Variants in KAZN observed in about 807,000 individuals in gnomAD.
KAZN encodes kazrin.
A neutral mutation model predicts 87.4 loss-of-function variants in KAZN; 40 were observed. The ratio of observed to expected loss-of-function variants is 0.46; its 90% CI spans 0.36 to 0.60. KAZN has a LOEUF of 0.60. Ranked by LOEUF, KAZN falls within the 20% of genes least tolerant of loss-of-function variation. KAZN has a pLI of 0.00. For missense variants in KAZN, 898 were observed against 1,073.9 expected, an observed-to-expected ratio of 0.84 and a Z score of 2.29; for synonymous variants, 466 against 458.3, an observed-to-expected ratio of 1.02 and a Z score of -0.22.
intron 1 of KAZN, among the ~76,000 whole-genome samples, chr1:14,844,206 G>A (rs997864707): frequency 6.6e-6 from 1 of 152,116 alleles, no homozygotes; most frequent in African/African-American, 2.4e-5. Context: ...GATGAGCCCA[G>A]CCTTAGGAAA....
intron 1 of KAZN, among the ~76,000 whole-genome samples, chr1:14,862,722 G>A (rs1003809168): frequency 4.6e-5 from 7 of 152,134 alleles, no homozygotes; most frequent in Non-Finnish European, 7.3e-5. Flanking sequence ...GAGCTGTCCC[G>A]TGCTATGTGC....
At chr1:14,483,437 A>G (rs1192902882) in intron 2 of KAZN, among the ~76,000 whole-genome samples, 1 of 152,212 alleles carries the variant, frequency 6.6e-6, no homozygotes, top group Non-Finnish European at 1.5e-5. Flanking sequence ...GAAGGAACAA[A>G]AGGGCAGCTT....
chr1:14,872,601 A>G lies in KAZN; in HGVS notation c.227-88083A>G, dbSNP rs138581585. 7.2e-5 allele frequency among the ~76,000 whole-genome samples: 11 copies of G among 152,382 alleles called. No homozygotes were observed. The East Asian group carries it at 1.3e-3, about 19-fold the overall frequency. Reference sequence around the variant, plus strand: ...ATAAGTCTTGCTCATGCTCATAATTATTGTAACCACTGATCTAAGTGGGGC... The same window carrying G: ...ATAAGTCTTGCTCATGCTCATAATTGTTGTAACCACTGATCTAAGTGGGGC... On this transcript the variant is annotated intron_variant, in intron 1 of 14. Transcript: ENST00000376030.
chr1:14,711,734 G>A (rs561586319), intron 1 of KAZN, among the ~76,000 whole-genome samples: 1 of 152,326 alleles, frequency 6.6e-6, no homozygotes, highest in East Asian at 1.9e-4. Context: ...CAGCCTTCAG[G>A]TCAGTGAGCT....
chr1:14,129,014 T>C (rs1644934685), intron 1 of KAZN, among the ~76,000 whole-genome samples: 1 of 152,216 alleles, frequency 6.6e-6, no homozygotes, highest in African/African-American at 2.4e-5. Flanking sequence ...TGGATGCATT[T>C]GTTCTCTAAT....
chr1:14,597,211 C>T (rs1388551812), upstream of KAZN, among the ~76,000 whole-genome samples: 1 of 152,200 alleles, frequency 6.6e-6, no homozygotes, highest in South Asian at 2.1e-4. Context: ...AGGGTTCGAT[C>T]CCCGAACTGA....
intron 1 of KAZN, among the ~76,000 whole-genome samples, chr1:14,173,941 C>A (rs1016944290): frequency 6.6e-6 from 1 of 152,250 alleles, no homozygotes; most frequent in Admixed American, 6.5e-5. Context: ...AGATGCTAAC[C>A]AGACAGAAAT....
At position 14,321,117 on chromosome 1, in the gene KAZN, T is replaced by G. The variant is rs572448345; in HGVS notation, c.249+140525T>G. Among the ~76,000 whole-genome samples, 6 of 152,326 alleles carry G rather than the reference T, an allele frequency of 3.9e-5. No homozygotes were observed. In the South Asian group the frequency reaches 1.2e-3, roughly 32 times the overall value. ...GCCCCAAGTTGCAAAAAATGTACCA[T>G]GAAGCACCCTTTCCACTTCTTAAAT... is the stretch of plus-strand genomic sequence containing the variant. On this transcript the variant is annotated intron_variant, in intron 2 of 16. Coordinates refer to the KAZN transcript ENST00000636203.
chr1:14,312,440 G>T (rs981700901), intron 2 of KAZN, among the ~76,000 whole-genome samples: 1 of 152,058 alleles, frequency 6.6e-6, no homozygotes, highest in African/African-American at 2.4e-5. Flanking sequence ...AATATTATTA[G>T]CTGTTTTTAA....
chr1:14,842,578 C>A (rs1046612980), intron 1 of KAZN, among the ~76,000 whole-genome samples: 1 of 152,208 alleles, frequency 6.6e-6, no homozygotes, highest in Non-Finnish European at 1.5e-5. Context: ...ATTTAAAAGT[C>A]ATTGCACTGA....
At chr1:14,166,359 G>A (rs954291764) in intron 1 of KAZN, among the ~76,000 whole-genome samples, 5 of 152,182 alleles carry the variant, frequency 3.3e-5, no homozygotes, top group Non-Finnish European at 7.3e-5. Flanking sequence ...GTGATTTCAT[G>A]TGTGTAAGGG....
At chr1:14,887,187 A>G (rs1572734083) in intron 1 of KAZN, among the ~76,000 whole-genome samples, 1 of 151,988 alleles carries the variant, frequency 6.6e-6, no homozygotes, top group Non-Finnish European at 1.5e-5. Flanking sequence ...ACTGCCAAAG[A>G]CCTGTTTTAT....
intron 1 of KAZN, among the ~76,000 whole-genome samples, chr1:14,053,829 CT>C (rs1488654303): frequency 6.6e-6 from 1 of 152,184 alleles, no homozygotes; most frequent in Non-Finnish European, 1.5e-5. Context: ...TAGCTTTCTA[CT>C]GTCTGGAAGC....
chr1:14,404,499 G>A (rs1663673814), intron 2 of KAZN, among the ~76,000 whole-genome samples: 1 of 152,078 alleles, frequency 6.6e-6, no homozygotes, highest in African/African-American at 2.4e-5. Flanking sequence ...TACCTGGCAG[G>A]CCTAAACAAC....
chr1:14,338,344 G>A (rs1657422753), intron 2 of KAZN, among the ~76,000 whole-genome samples: 1 of 151,868 alleles, frequency 6.6e-6, no homozygotes, highest in Non-Finnish European at 1.5e-5. Context: ...AATTAGCCAA[G>A]CACGGCAGTG....
chr1:14,579,726 C>T (rs1440557188), intron 2 of KAZN, among the ~76,000 whole-genome samples: 2 of 151,850 alleles, frequency 1.3e-5, no homozygotes, highest in Non-Finnish European at 2.9e-5. Flanking sequence ...TCATCTGATT[C>T]AGAACGAACG....
chr1:14,790,083 A>C (rs1572487791), intron 1 of KAZN, among the ~76,000 whole-genome samples: 1 of 150,824 alleles, frequency 6.6e-6, no homozygotes, highest in Admixed American at 6.6e-5. Flanking sequence ...ACTCACCGCA[A>C]CCTCCGCCTC....
chr1:14,538,208 A>G (rs1672612226), intron 2 of KAZN, among the ~76,000 whole-genome samples: 1 of 152,218 alleles, frequency 6.6e-6, no homozygotes, highest in Admixed American at 6.5e-5. Flanking sequence ...ACTATATTAG[A>G]CAAATTACTT....
intron 2 of KAZN, among the ~76,000 whole-genome samples, chr1:14,225,052 C>G (rs780123922): frequency 6.6e-6 from 1 of 151,978 alleles, no homozygotes; most frequent in African/African-American, 2.4e-5. Flanking sequence ...CTAGCCAGAG[C>G]AATCAGGCAA....
Sources: gnomAD v4.1 joint callset for allele counts (sites outside exome capture counted in the v4.1 genomes callset) on GRCh38, gnomAD v4.1.1 for gene constraint, MANE v1.5 for transcripts, NCBI Gene and HGNC (gene_info 2026-07-23, HGNC 2026-07-21) for gene names.